The following PLEKHM3 variants were observed in gnomAD, a reference collection of about 807,000 sequenced individuals.
PLEKHM3 encodes the protein pleckstrin homology domain-containing family M member 3.
A neutral mutation model predicts 81.8 loss-of-function variants in PLEKHM3; 45 were observed. The observed-to-expected ratio is 0.55, with a 90% CI of 0.43 to 0.71. The LOEUF is 0.71. Ranked by LOEUF, PLEKHM3 falls within the 30% of genes least tolerant of loss-of-function variation. The probability of loss-of-function intolerance (pLI) is 0.00; values close to 1 mark genes in which losing one functional copy is unlikely to be tolerated. For synonymous variants in PLEKHM3, 352 were observed against 356.4 expected (o/e 0.99, Z 0.14); for missense variants, 788 against 924.3 (o/e 0.85, Z 1.91).
chr2:207,974,047 C>T (rs992709129), intron 3 of PLEKHM3, among the ~76,000 whole-genome samples: 21 of 152,156 alleles, frequency 1.4e-4, no homozygotes, highest in African/African-American at 5.1e-4. Context: ...GCCTTCCTCC[C>T]CTGATTCCGT....
At chr2:207,829,161 C>T (rs1332353509) in intron 7 of PLEKHM3, among the ~76,000 whole-genome samples, 1 of 152,154 alleles carries the variant, frequency 6.6e-6, no homozygotes, top group African/African-American at 2.4e-5. Context: ...AACAATATGA[C>T]AGATATTGTA....
chr2:207,833,487 T>G (rs1575263406), intron 7 of PLEKHM3, among the ~76,000 whole-genome samples: 1 of 152,028 alleles, frequency 6.6e-6, no homozygotes, highest in South Asian at 2.1e-4. Flanking sequence ...ATCCAATGGG[T>G]TTTTCTGTTT....
chr2:207,908,057 T>C (rs1406345709), intron 6 of PLEKHM3, among the ~76,000 whole-genome samples: 1 of 152,278 alleles, frequency 6.6e-6, no homozygotes, highest in South Asian at 2.1e-4. Flanking sequence ...TTTTATTATA[T>C]GGCTACAACA....
rs181666764 is a variant in PLEKHM3 at position 208,011,732 on chromosome 2, C to T, written c.-318-9775G>A. Among the ~76,000 whole-genome samples, 609 of 151,344 alleles carry T rather than the reference C, an allele frequency of 4.0e-3. 5 individuals carry two copies. The highest frequency in any genetic ancestry group is 0.014 in the African/African-American group (579 of 41,128). Reference sequence around the variant, plus strand: ...TAAAGAACTTAGTAACTAAATACCTCCTGTTCCCCACAAACCTATGGAATA... The same window carrying T: ...TAAAGAACTTAGTAACTAAATACCTTCTGTTCCCCACAAACCTATGGAATA... On this transcript the variant is annotated intron_variant, in intron 1 of 7. Coordinates refer to ENST00000427836, the MANE Select transcript of PLEKHM3 (RefSeq NM_001080475.3).
chr2:208,000,922 C>G, intron 2 of PLEKHM3, 108 bp downstream of exon 2: 1 of 1,088,622 alleles, frequency 9.2e-7, no homozygotes, highest in South Asian at 1.8e-5. Flanking sequence ...AAGGAAAAAC[C>G]AACAATGATT....
chr2:207,876,722 A>G (rs2092561857), intron 6 of PLEKHM3, among the ~76,000 whole-genome samples: 1 of 152,224 alleles, frequency 6.6e-6, no homozygotes, highest in South Asian at 2.1e-4. Context: ...GTAACCAATC[A>G]GTTAGGACGC....
At chr2:207,995,883 C>A (rs1272399685) in intron 2 of PLEKHM3, among the ~76,000 whole-genome samples, 2 of 152,134 alleles carry the variant, frequency 1.3e-5, no homozygotes, top group African/African-American at 4.8e-5. Flanking sequence ...AAAGCAGTGG[C>A]CTCCAAATCC....
chr2:207,838,073 C>T (rs1039209899), intron 7 of PLEKHM3, among the ~76,000 whole-genome samples: 3 of 151,886 alleles, frequency 2.0e-5, no homozygotes, highest in Non-Finnish European at 4.4e-5. Flanking sequence ...CGCCCGGCCT[C>T]GAGTTCTCCC....
intron 5 of PLEKHM3, among the ~76,000 whole-genome samples, chr2:207,911,565 A>T (rs539482084): frequency 6.6e-6 from 1 of 152,364 alleles, no homozygotes; most frequent in African/African-American, 2.4e-5. Context: ...AGGAAAGGAA[A>T]ACTAGGGCAG....
At position 207,911,482 on chromosome 2, in the gene PLEKHM3, T is replaced by C. The variant is rs548119982; in HGVS notation, c.1887-2905A>G. 3.0e-4 allele frequency among the ~76,000 whole-genome samples: 45 copies of C among 152,314 alleles called. No individual in the cohort carries two copies. The East Asian group carries it at 8.3e-3, about 28-fold the overall frequency. On this transcript the variant is annotated intron_variant, in intron 5 of 7. Transcript: ENST00000427836. ...TCGACATTATGCAAATTATAGACTT[T>C]ATTCAGGTTTCACCAGTGGTTTCAC...
In PLEKHM3 at chr2:207,843,610, T is replaced by C. The variant is rs1416009883; in HGVS notation, c.2109-15114A>G. Reference sequence around the variant, plus strand: ...CGAAGAGGTTGTTACCTCAGGCCTCTGAGCTCATTCCACGCTGCCTCCCTC... The same window carrying C: ...CGAAGAGGTTGTTACCTCAGGCCTCCGAGCTCATTCCACGCTGCCTCCCTC... On this transcript the variant is annotated intron_variant, in intron 7 of 7. Coordinates refer to ENST00000427836, the MANE Select transcript of PLEKHM3 (RefSeq NM_001080475.3). This position sits in a 1 kb window ranked among gnomAD's most constrained non-coding sequence, Gnocchi z 4.4. Among the ~76,000 whole-genome samples the C allele has an allele frequency of 6.6e-6, 1 of 152,170 alleles. No homozygotes were observed. The highest frequency in any genetic ancestry group is 1.5e-5 in the Non-Finnish European group (1 of 68,038).
At chr2:207,892,557 G>A (rs533784956) in intron 6 of PLEKHM3, among the ~76,000 whole-genome samples, 1 of 152,050 alleles carries the variant, frequency 6.6e-6, no homozygotes. Context: ...TTTCAATCCC[G>A]TGGAACCCTT....
chr2:208,015,448 C>T (rs1559284941), intron 1 of PLEKHM3, among the ~76,000 whole-genome samples: 2 of 145,784 alleles, frequency 1.4e-5, no homozygotes, highest in Non-Finnish European at 3.0e-5. Flanking sequence ...ATATTTACAC[C>T]CAGGGAAGTA....
intron 7 of PLEKHM3, among the ~76,000 whole-genome samples, chr2:207,841,881 TA>T (rs2092356368): frequency 6.6e-6 from 1 of 152,144 alleles, no homozygotes; most frequent in Admixed American, 6.5e-5. Context: ...TTTGAGAAGT[TA>T]AATTCTATAT....
chr2:207,905,390 G>A (rs975557011), intron 6 of PLEKHM3, among the ~76,000 whole-genome samples: 6 of 152,208 alleles, frequency 3.9e-5, no homozygotes, highest in East Asian at 1.9e-4. Context: ...GGCCCAGGAC[G>A]CCATAAGGCT....
intron 7 of PLEKHM3, among the ~76,000 whole-genome samples, chr2:207,846,583 C>T (rs950413911): frequency 5.3e-5 from 8 of 151,788 alleles, no homozygotes; most frequent in Admixed American, 3.3e-4. Flanking sequence ...ATTATCTGGG[C>T]GTGGTGGAGA....
chr2:207,909,147 A>G (rs1477196234), intron 5 of PLEKHM3, among the ~76,000 whole-genome samples: 11 of 152,186 alleles, frequency 7.2e-5, no homozygotes, highest in Admixed American at 7.2e-4. Context: ...AGTGATGGCA[A>G]TTTTAGAACC....
chr2:207,946,268 A>G lies in PLEKHM3; in HGVS notation c.1692+99T>C, dbSNP rs1690125346. 17 of 1,378,210 alleles carry G rather than the reference A, an allele frequency of 1.2e-5. No individual in the cohort carries two copies. The South Asian group carries it at 2.2e-4, about 18-fold the overall frequency. 85.4% of individuals were successfully genotyped at this position (1,378,210 alleles called of 1,614,324 possible). ...AGCTTTTATGAGACTACCTAATCAT[A>G]TCTGCTTCAAATTGTTTGATCACCA... On this transcript the variant is annotated intron_variant, in intron 4 of 7. Transcript: ENST00000427836.
chr2:207,838,184 G>T (rs970009789), intron 7 of PLEKHM3, among the ~76,000 whole-genome samples: 8 of 152,032 alleles, frequency 5.3e-5, no homozygotes, highest in East Asian at 1.9e-4. Context: ...TTGATTCCAG[G>T]GTTCTCATGT....
Sources: gnomAD v4.1 joint callset for allele counts (sites outside exome capture counted in the v4.1 genomes callset) on GRCh38, gnomAD v4.1.1 for gene constraint, Gnocchi (gnomAD v3.1) non-coding constraint, MANE v1.5 for transcripts, NCBI Gene and HGNC (gene_info 2026-07-23, HGNC 2026-07-21) for gene names.